SLC18A2: variants seen among roughly 807,000 people sequenced by gnomAD.
SLC18A2 encodes synaptic vesicular amine transporter.
Under a neutral mutation model 59.2 loss-of-function variants are expected in SLC18A2, and 33 were observed. That is an observed-to-expected ratio of 0.56 (90% CI 0.42 to 0.75). The LOEUF is 0.75. SLC18A2 is among the 30% of genes least tolerant of loss of function. SLC18A2 has a pLI of 0.00. For synonymous variants in SLC18A2, 228 were observed against 253.5 expected (o/e 0.90, Z 0.95); for missense variants, 569 against 668.6 (o/e 0.85, Z 1.64).
intron 15 of SLC18A2, among the ~76,000 whole-genome samples, chr10:117,274,178 A>G (rs1397135969): frequency 1.3e-5 from 2 of 152,164 alleles, no homozygotes; most frequent in Admixed American, 1.3e-4. Flanking sequence ...AAAAAGTACA[A>G]TTATTGCACA....
At chr10:117,262,540 C>T (rs147047120) in intron 10 of SLC18A2, among the ~76,000 whole-genome samples, 1 of 152,066 alleles carries the variant, frequency 6.6e-6, no homozygotes, top group Non-Finnish European at 1.5e-5. Context: ...CTTTTCTTCC[C>T]TCTGGCCCTT....
At position 117,269,941 on chromosome 10, in the gene SLC18A2, G is replaced by C; in HGVS notation, c.1187-130G>C. ...TACTCAAAGATTAGTATCACCCCAA[G>C]ACTTGCAGGTGGTGATGACAGAAGG... is the stretch of plus-strand genomic sequence containing the variant. On this transcript the variant is annotated intron_variant, in intron 13 of 15. Coordinates refer to ENST00000644641, the MANE Select transcript of SLC18A2 (RefSeq NM_003054.6). The surrounding 1 kb of genome is among the most constrained non-coding windows in gnomAD (Gnocchi z 5.1). 1 of 1,095,634 alleles carries C rather than the reference G, an allele frequency of 9.1e-7. No individual in the cohort carries two copies. The highest frequency in any genetic ancestry group is 2.3e-5 in the Admixed American group (1 of 43,806). 67.9% of individuals were successfully genotyped at this position (1,095,634 alleles called of 1,614,324 possible).
At chr10:117,241,874 A>T in intron 2 of SLC18A2, 60 bp downstream of exon 2, 1 of 1,498,052 alleles carries the variant, frequency 6.7e-7, no homozygotes, top group Non-Finnish European at 9.0e-7. Context: ...CTTCCCCGGC[A>T]CTCCACTTAC....
At chr10:117,253,310 T>C (rs1844184708) in intron 3 of SLC18A2, 89 bp from the exon 4 acceptor site, 1 of 923,238 alleles carries the variant, frequency 1.1e-6, no homozygotes, top group Non-Finnish European at 1.8e-6. Context: ...ATCTGTCTGA[T>C]CCCAAAGGGT....
In SLC18A2 at chr10:117,278,077, C is replaced by T. The variant is rs1844524713; in HGVS notation, c.*811C>T. Reference sequence around the variant, plus strand: ...ATGAAGAAAATTGAGGGTACATGTACCTTATACTGTCAAGGTTGTTTAAAC... The same window carrying T: ...ATGAAGAAAATTGAGGGTACATGTATCTTATACTGTCAAGGTTGTTTAAAC... On this transcript the variant is annotated 3_prime_UTR_variant, in exon 16 of 16. Transcript: ENST00000644641. 6.6e-6 allele frequency: 1 copy of T among 152,106 alleles called. No homozygotes were observed. Among genetic ancestry groups the T allele is most frequent in the Admixed American group, 6.5e-5 (1 of 15,272 alleles). 9.4% of individuals were successfully genotyped at this position (152,106 alleles called of 1,614,324 possible). A position where few individuals can be genotyped will look rare whatever the true frequency, so the allele number is the denominator to read the frequency against.
Position 117,241,663 on chromosome 10 carries a change from C to T in SLC18A2, c.-15-16C>T. Reference sequence around the variant, plus strand: ...CCACGGCCGCCTTGGGTCCTCACCGCGCACCGCGCCCGCAGCGGAGCCCCG... The same window carrying T: ...CCACGGCCGCCTTGGGTCCTCACCGTGCACCGCGCCCGCAGCGGAGCCCCG... On this transcript the variant is annotated splice_polypyrimidine_tract_variant and intron_variant, in intron 1 of 15. Transcript: ENST00000644641. 1 of 1,548,306 alleles carries T rather than the reference C, an allele frequency of 6.5e-7. No homozygotes were observed. Among genetic ancestry groups the T allele is most frequent in the Non-Finnish European group, 8.7e-7 (1 of 1,149,546 alleles).
chr10:117,268,906 ATG>A (rs1445110025), intron 13 of SLC18A2, among the ~76,000 whole-genome samples: 21 of 149,472 alleles, frequency 1.4e-4, no homozygotes, highest in African/African-American at 4.6e-4. Context: ...TGTTGTGTGT[ATG>A]TGTGTGAACT....
rs760585747 is a variant in SLC18A2, at chr10:117,270,126, C to A, written c.1242C>A (p.His414Gln). ...PIMGYLVDLR[H>Q]VSVYGSVYAI... ...TGGGCTACCTCGTAGACCTGCGGCA[C>A]GTGTCCGTCTATGGGAGTGTGTACG... The change falls in exon 14 of 16, where the codon CAC becomes CAA. Residue 414 changes from histidine (H) to glutamine (Q), a missense_variant. Physicochemically the swap from His to Gln is conservative, Grantham distance 24. This residue lies in a region of SLC18A2 where 192 missense variants were observed against 278.8 expected (regional missense o/e 0.69). Coordinates refer to ENST00000644641, the MANE Select transcript of SLC18A2 (RefSeq NM_003054.6). 7 of 1,614,204 alleles carry A rather than the reference C, an allele frequency of 4.3e-6. No individual in the cohort carries two copies. The highest frequency in any genetic ancestry group is 5.9e-6 in the Non-Finnish European group (7 of 1,180,040).
Position 117,244,249 on chromosome 10 carries a change from T to C in SLC18A2, c.400T>C (p.Leu134=), listed in dbSNP as rs775393602. Residue 134 remains leucine (L), a synonymous_variant, in exon 3 of 16, where the codon TTG becomes CTG. Coordinates refer to ENST00000644641, the MANE Select transcript of SLC18A2 (RefSeq NM_003054.6). ...LLNENVQVGL[L]FASKATVQLI... ...GAATGAAAACGTGCAAGTTGGTCTG[T>C]TGTTTGCCTCGAAAGCCACCGTCCA... 2 of 1,614,230 alleles carry C rather than the reference T, an allele frequency of 1.2e-6. No homozygotes were observed. Among genetic ancestry groups the C allele is most frequent in the Admixed American group, 3.3e-5 (2 of 60,034 alleles).
chr10:117,255,445 A>C (rs1158510307), intron 7 of SLC18A2, 34 bp from the exon 8 acceptor site: 23 of 1,614,022 alleles, frequency 1.4e-5, no homozygotes, highest in African/African-American at 2.7e-5. Context: ...TGCTTTCTGA[A>C]GAGGGGCTTG....
At position 117,270,080 on chromosome 10, in the gene SLC18A2, A is replaced by T; in HGVS notation, c.1196A>T (p.Asp399Val). ...FGVGFAIGMV[D>V]SSMMPIMGYL... is the part of the protein sequence containing the mutation. ...CCCTGACTGTCTTCAGGAATGGTGGATTCGTCAATGATGCCTATCATGGGC... is the reference window on the plus strand; with the variant it reads ...CCCTGACTGTCTTCAGGAATGGTGGTTTCGTCAATGATGCCTATCATGGGC... The change falls in exon 14 of 16, where the codon GAT (aspartate) becomes GTT (valine). Residue 399 changes from aspartate to valine, a missense_variant. Around this residue, in one of 2 missense-constraint regions of SLC18A2, gnomAD observed 192 missense variants for 278.8 expected, o/e 0.69. Transcript: ENST00000644641. 6.2e-7 allele frequency: 1 copy of T among 1,614,188 alleles called. No individual in the cohort carries two copies. Among genetic ancestry groups the T allele is most frequent in the Non-Finnish European group, 8.5e-7 (1 of 1,180,014 alleles).
chr10:117,251,128 A>C (rs1413957736), intron 3 of SLC18A2, among the ~76,000 whole-genome samples: 1 of 152,186 alleles, frequency 6.6e-6, no homozygotes, highest in Non-Finnish European at 1.5e-5. Flanking sequence ...TGAAGCCCCT[A>C]ATTCCAATAG....
At chr10:117,243,034 T>C (rs1262247871) in intron 2 of SLC18A2, among the ~76,000 whole-genome samples, 1 of 152,190 alleles carries the variant, frequency 6.6e-6, no homozygotes, top group Non-Finnish European at 1.5e-5. Context: ...GCCTGGCCTG[T>C]TTCAGTTTTG....
rs1249890420 is a variant in SLC18A2 at position 117,279,249 on chromosome 10, A to G, written c.*1983A>G. 6.6e-6 allele frequency: 1 copy of G among 152,224 alleles called. No individual in the cohort carries two copies. The highest frequency in any genetic ancestry group is 1.9e-4 in the East Asian group (1 of 5,200). 9.4% of individuals were successfully genotyped at this position (152,224 alleles called of 1,614,324 possible). A position where few individuals can be genotyped will look rare whatever the true frequency, so the allele number is the denominator to read the frequency against. On this transcript the variant is annotated 3_prime_UTR_variant, in exon 16 of 16. Coordinates refer to ENST00000644641, the MANE Select transcript of SLC18A2 (RefSeq NM_003054.6). The stretch of plus-strand genomic sequence containing the variant: ...GGTGTTTTTTTAAAATGTACATACC[A>G]GAACAAAGAACATACAGCTCTCTGA...
In SLC18A2 at chr10:117,269,983, T is replaced by G. The variant is rs1589985554; in HGVS notation, c.1187-88T>G. ...GACAGAAGGGGAAGAGCTGGCAGGG[T>G]GGTGAGTTTAAGACACACTCCCTGA... is the stretch of plus-strand genomic sequence containing the variant. On this transcript the variant is annotated intron_variant, in intron 13 of 15. Transcript: ENST00000644641. The surrounding 1 kb of genome is among the most constrained non-coding windows in gnomAD (Gnocchi z 5.1). The G allele has an allele frequency of 6.7e-7, 1 of 1,486,214 alleles. No individual in the cohort carries two copies. The highest frequency in any genetic ancestry group is 9.2e-7 in the Non-Finnish European group (1 of 1,082,556). The allele number at this position is 1,486,214 out of a possible 1,614,324, so 92.1% of individuals were successfully genotyped here.
Position 117,278,536 on chromosome 10 carries a change from A to G in SLC18A2, c.*1270A>G, listed in dbSNP as rs1309088056. On this transcript the variant is annotated 3_prime_UTR_variant, in exon 16 of 16. Coordinates refer to ENST00000644641, the MANE Select transcript of SLC18A2 (RefSeq NM_003054.6). ...CATTGTCAATTTATGTCATTTTGTTAAGAGATATGACTGGAGTGTGCAGTG... is the reference window on the plus strand; with the variant it reads ...CATTGTCAATTTATGTCATTTTGTTGAGAGATATGACTGGAGTGTGCAGTG... The G allele has an allele frequency of 1.3e-5, 2 of 152,204 alleles. No homozygotes were observed. Among genetic ancestry groups the G allele is most frequent in the Non-Finnish European group, 2.9e-5 (2 of 68,040 alleles). The allele number at this position is 152,204 out of a possible 1,614,324, so 9.4% of individuals were successfully genotyped here.
In SLC18A2 at chr10:117,244,025, A is replaced by G; in HGVS notation, c.176A>G (p.Glu59Gly). 6.2e-7 allele frequency: 1 copy of G among 1,614,122 alleles called. No homozygotes were observed. The highest frequency in any genetic ancestry group is 8.5e-7 in the Non-Finnish European group (1 of 1,180,026). The change falls in exon 3 of 16, where the codon GAA becomes GGA. Residue 59 changes from glutamate to glycine, a missense_variant. Glu to Gly is a moderately conservative substitution (Grantham distance 98, BLOSUM62 -2). Around this residue, in one of 2 missense-constraint regions of SLC18A2, gnomAD observed 377 missense variants for 389.8 expected, o/e 0.97. Coordinates refer to ENST00000644641, the MANE Select transcript of SLC18A2 (RefSeq NM_003054.6). ...ATTAAGCATGAGAAGAATGCTACAG[A>G]AATCCAGACGGCCAGGCCAGTGCAC... is the stretch of plus-strand genomic sequence containing the variant. The part of the protein sequence containing the change: ...YSIKHEKNAT[E>G]IQTARPVHTA...
intron 15 of SLC18A2, among the ~76,000 whole-genome samples, chr10:117,276,627 A>AG (rs1844495132): frequency 1.9e-5 from 2 of 102,868 alleles, no homozygotes; most frequent in Non-Finnish European, 4.2e-5. Context: ...AAAAAAAAAA[A>AG]AAAAAAGAAA....
intron 2 of SLC18A2, 69 bp from the exon 3 acceptor site, chr10:117,243,902 T>G: frequency 7.6e-7 from 1 of 1,320,232 alleles, no homozygotes; most frequent in Non-Finnish European, 1.0e-6. Context: ...ACCATAGTTT[T>G]TTGCTGGCTT....
Sources: gnomAD v4.1 joint callset for allele counts (sites outside exome capture counted in the v4.1 genomes callset) on GRCh38, gnomAD v4.1.1 for gene constraint, gnomAD v4.1.1 regional missense constraint, Gnocchi (gnomAD v3.1) non-coding constraint, MANE v1.5 for transcripts, NCBI Gene and HGNC (gene_info 2026-07-23, HGNC 2026-07-21) for gene names.